The following ULK2 variants were observed in gnomAD, a reference collection of about 807,000 sequenced individuals.
ULK2 encodes unc-51 like autophagy activating kinase 2.
In ULK2, 76 loss-of-function variants were observed where a neutral mutation model predicts 127.5. The ratio of observed to expected loss-of-function variants is 0.60; its 90% confidence interval spans 0.50 to 0.72. The LOEUF (loss-of-function observed/expected upper bound fraction) is 0.72. Ranked by LOEUF, ULK2 falls within the 30% of genes least tolerant of loss-of-function variation. The probability of loss-of-function intolerance (pLI) is 0.00; values close to 1 mark genes in which losing one functional copy is unlikely to be tolerated. For synonymous variants in ULK2, 452 were observed against 461.9 expected (o/e 0.98, Z 0.28); for missense variants, 1,144 against 1,295.9 (o/e 0.88, Z 1.80).
intron 3 of ULK2, among the ~76,000 whole-genome samples, chr17:19,850,463 T>C (rs2041988517): frequency 6.6e-6 from 1 of 152,194 alleles, no homozygotes; most frequent in African/African-American, 2.4e-5. Flanking sequence ...GCAATTTTTA[T>C]AACGATAACT....
rs1597696377 is a variant in ULK2, at chr17:19,776,118, C to CT, written c.*230dup. 1.4e-5 allele frequency: 7 copies of CT among 492,842 alleles called. No individual in the cohort carries two copies. The East Asian group carries it at 2.5e-4, about 17-fold the overall frequency. The allele number at this position is 492,842 out of a possible 1,614,324, so 30.5% of individuals were successfully genotyped here. On this transcript the variant is annotated 3_prime_UTR_variant, in exon 27 of 27. Transcript: ENST00000395544. Reference sequence around the variant, plus strand: ...CCAAACTGGGAGCCAAACACTCTTGCTCCTGCTTCTACAAAGAAAAAGGGA... The same window carrying CT: ...CCAAACTGGGAGCCAAACACTCTTGCTTCCTGCTTCTACAAAGAAAAAGGGA...
chr17:19,863,802 CTATA>C (rs2042294841), intron 3 of ULK2, among the ~76,000 whole-genome samples: 1 of 152,102 alleles, frequency 6.6e-6, no homozygotes, highest in Non-Finnish European at 1.5e-5. Flanking sequence ...GTAATTTTGA[CTATA>C]CAGAAATTTT....
chr17:19,862,666 A>G (rs1187442729), intron 3 of ULK2, among the ~76,000 whole-genome samples: 1 of 151,968 alleles, frequency 6.6e-6, no homozygotes, highest in African/African-American at 2.4e-5. Flanking sequence ...GGGTTTCTCC[A>G]TGTTGGTTAG....
chr17:19,831,024 C>T (rs1161805512), intron 10 of ULK2, among the ~76,000 whole-genome samples: 3 of 54,230 alleles, frequency 5.5e-5, no homozygotes, highest in African/African-American at 1.0e-4. Flanking sequence ...AAGACTCCGT[C>T]GCTAAAAAAA....
intron 9 of ULK2, 22 bp from the exon 10 acceptor site, chr17:19,838,605 A>C: frequency 1.3e-6 from 2 of 1,594,076 alleles, no homozygotes; most frequent in Non-Finnish European, 8.6e-7. Flanking sequence ...GAAAAACACA[A>C]CCACCTAAGT....
At chr17:19,849,168 C>A (rs2152399255) in intron 5 of ULK2, among the ~76,000 whole-genome samples, 1 of 152,222 alleles carries the variant, frequency 6.6e-6, no homozygotes, top group African/African-American at 2.4e-5. Context: ...TACTTATATA[C>A]AAGTAAAGCT....
chr17:19,792,675 T>C lies in ULK2; in HGVS notation c.2101+2947A>G, dbSNP rs552526804. Among the ~76,000 whole-genome samples, 7 of 152,172 alleles carry C rather than the reference T, an allele frequency of 4.6e-5. No homozygotes were observed. The East Asian group carries it at 1.4e-3, about 29-fold the overall frequency. ...TCTCAGAGCTTGCAGTGAGCCAAGA[T>C]GATGCCACTGCACTCTAGCCTGGGC... is the stretch of plus-strand genomic sequence containing the variant. On this transcript the variant is annotated intron_variant, in intron 20 of 26. Coordinates refer to ENST00000395544, the MANE Select transcript of ULK2 (RefSeq NM_014683.4).
At chr17:19,851,517 G>A (rs1484475414) in intron 3 of ULK2, among the ~76,000 whole-genome samples, 2 of 151,588 alleles carry the variant, frequency 1.3e-5, no homozygotes, top group African/African-American at 2.4e-5. Flanking sequence ...GTGCACGCCT[G>A]CAATCCCAGC....
At chr17:19,832,965 A>G (rs1036428032) in intron 10 of ULK2, among the ~76,000 whole-genome samples, 46 of 152,126 alleles carry the variant, frequency 3.0e-4, no homozygotes, top group African/African-American at 1.0e-3. Flanking sequence ...TCTACTAAAA[A>G]TACAAAAATT....
chr17:19,853,327 G>A (rs1345840163), intron 3 of ULK2, among the ~76,000 whole-genome samples: 3 of 151,422 alleles, frequency 2.0e-5, no homozygotes, highest in South Asian at 2.1e-4. Context: ...TTCTAGAGAC[G>A]GGGTTTTGCC....
rs993487186 is a variant in ULK2 at position 19,775,364 on chromosome 17, A to C, written c.*985T>G. On this transcript the variant is annotated 3_prime_UTR_variant, in exon 27 of 27. Transcript: ENST00000395544. ...AACTCCACATCACTAACAAGCCTTT[A>C]GGTCACCAACTTTGTTTTGGCCCTA... The C allele has an allele frequency of 6.6e-6, 1 of 152,612 alleles. No homozygotes were observed. The highest frequency in any genetic ancestry group is 2.4e-5 in the African/African-American group (1 of 41,460). 9.5% of individuals were successfully genotyped at this position (152,612 alleles called of 1,614,324 possible). A position where few individuals can be genotyped will look rare whatever the true frequency, so the allele number is the denominator to read the frequency against.
chr17:19,841,281 A>C (rs1206286212), intron 9 of ULK2, among the ~76,000 whole-genome samples: 1 of 152,186 alleles, frequency 6.6e-6, no homozygotes, highest in Admixed American at 6.5e-5. Context: ...TTTTTCTTTT[A>C]AATTTACATT....
chr17:19,817,247 T>C (rs894351960), intron 12 of ULK2, among the ~76,000 whole-genome samples: 1 of 152,186 alleles, frequency 6.6e-6, no homozygotes, highest in African/African-American at 2.4e-5. Flanking sequence ...TTCTAGCTCA[T>C]GGCCTAACAA....
intron 20 of ULK2, among the ~76,000 whole-genome samples, chr17:19,787,438 C>A (rs1162554818): frequency 2.0e-5 from 3 of 152,156 alleles, no homozygotes; most frequent in Admixed American, 2.0e-4. Context: ...AGGCGTGAGC[C>A]ACTGCACCCA....
rs779764466 is a variant in ULK2, at chr17:19,797,612, G to C, written c.1593C>G (p.Thr531=). Residue 531 remains threonine (T), a synonymous_variant, in exon 18 of 27, where the codon ACC becomes ACG. Coordinates refer to ENST00000395544, the MANE Select transcript of ULK2 (RefSeq NM_014683.4). Reference sequence around the variant, plus strand: ...GCTTGTTCTGATAGATGTCAGTGAGGGTGGGGGCGCTCTGCAGTCTAGCAC... The same window carrying C: ...GCTTGTTCTGATAGATGTCAGTGAGCGTGGGGGCGCTCTGCAGTCTAGCAC... ...LSGARLQSAP[T]LTDIYQNKQK... 7 of 1,613,280 alleles carry C rather than the reference G, an allele frequency of 4.3e-6. No homozygotes were observed. Among genetic ancestry groups the C allele is most frequent in the Non-Finnish European group, 3.4e-6 (4 of 1,179,770 alleles).
At chr17:19,859,332 G>A (rs986035070) in intron 3 of ULK2, among the ~76,000 whole-genome samples, 7 of 151,942 alleles carry the variant, frequency 4.6e-5, no homozygotes, top group Non-Finnish European at 7.4e-5. Context: ...TGGGCAACAA[G>A]GTGAAGCTCC....
At chr17:19,814,439 T>TATATATATATATACACACATATATA (rs1491246393) in intron 13 of ULK2, among the ~76,000 whole-genome samples, 10 of 9,992 alleles carry the variant, frequency 1.0e-3, no homozygotes, top group African/African-American at 2.1e-3. Context: ...TATATATATA[T>TATATATATATATACACACATATATA]TTTTTTTTTT....
Position 19,783,869 on chromosome 17 carries a change from A to G in ULK2, c.2288T>C (p.Met763Thr). The change falls in exon 22 of 27, where the codon ATG becomes ACG. Residue 763 changes from methionine (M) to threonine (T), a missense_variant. This residue lies in a region of ULK2 where 913 missense variants were observed against 970.5 expected (regional missense o/e 0.94). Transcript: ENST00000395544. ...GGACCCCACGCACACGCGGCCACTC[A>G]TGGCACAAAGAGAGCCCCCGGAGTT... ...PSNSGGSLCA[M>T]SGRVCVGSPP... 1 of 1,567,884 alleles carries G rather than the reference A, an allele frequency of 6.4e-7. No homozygotes were observed. The highest frequency in any genetic ancestry group is 8.6e-7 in the Non-Finnish European group (1 of 1,157,152).
In ULK2 at chr17:19,865,842, A is replaced by C; in HGVS notation, c.91-14T>G. 1 of 1,457,826 alleles carries C rather than the reference A, an allele frequency of 6.9e-7. No homozygotes were observed. Among genetic ancestry groups the C allele is most frequent in the South Asian group, 1.2e-5 (1 of 83,514 alleles). The allele number at this position is 1,457,826 out of a possible 1,614,324, so 90.3% of individuals were successfully genotyped here. Reference sequence around the variant, plus strand: ...CCAATCAGTTTTCTGAAAAGGAAAAACAGTGTTACTCCTAGATACCATTCC... The same window carrying C: ...CCAATCAGTTTTCTGAAAAGGAAAACCAGTGTTACTCCTAGATACCATTCC... On this transcript the variant is annotated splice_polypyrimidine_tract_variant and intron_variant, in intron 1 of 26. Transcript: ENST00000395544.
Sources: allele counts gnomAD v4.1 joint callset (sites outside exome capture counted in the v4.1 genomes callset), GRCh38; gene constraint gnomAD v4.1.1; regional missense constraint gnomAD v4.1.1; transcripts MANE v1.5; gene names NCBI Gene and HGNC (gene_info 2026-07-23, HGNC 2026-07-21).